The following HTR3B variants were observed in gnomAD, a reference collection of about 807,000 sequenced individuals.
The protein encoded by HTR3B is 5-hydroxytryptamine receptor 3B, also known as 5-hydroxytryptamine (serotonin) receptor 3B, ionotropic.
In HTR3B, 44 loss-of-function variants were observed where a neutral mutation model predicts 42.8. That is an observed-to-expected ratio of 1.03 (90% CI 0.81 to 1.32). HTR3B has a LOEUF of 1.32. Among genes scored for constraint, HTR3B ranks in the 40% most tolerant of loss-of-function variants. The pLI, the probability that HTR3B is intolerant of heterozygous loss-of-function variation, is 0.00. For missense variants in HTR3B, 527 were observed against 536.5 expected (o/e 0.98, Z 0.17); for synonymous variants, 203 against 209.0 (o/e 0.97, Z 0.25).
At position 113,931,852 on chromosome 11, in the gene HTR3B, T is replaced by C. The variant is rs1048150562; in HGVS notation, c.353T>C (p.Ile118Thr). 19 of 1,578,538 alleles carry C rather than the reference T, an allele frequency of 1.2e-5. No homozygotes were observed. The highest frequency in any genetic ancestry group is 1.7e-5 in the Non-Finnish European group (19 of 1,147,656). ...LPLSAIWAPD[I>T]IINEFVDIER... ...CTAAGTGCCATCTGGGCCCCCGATATCATCATCAATGAGTTGTAAGTGTGC... is the reference window on the plus strand; with the variant it reads ...CTAAGTGCCATCTGGGCCCCCGATACCATCATCAATGAGTTGTAAGTGTGC... The change falls in exon 4 of 9, where the codon ATC becomes ACC. Residue 118 changes from isoleucine (I) to threonine (T), a missense_variant. Physicochemically the swap from Ile to Thr is moderately conservative, Grantham distance 89. Coordinates refer to ENST00000260191, the MANE Select transcript of HTR3B (RefSeq NM_006028.5).
intron 6 of HTR3B, among the ~76,000 whole-genome samples, chr11:113,933,353 C>A (rs529154665): frequency 6.6e-6 from 1 of 152,142 alleles, no homozygotes; most frequent in Non-Finnish European, 1.5e-5. Context: ...GCATGCCCTG[C>A]AGCAGGAATC....
At chr11:113,931,897 G>A in intron 4 of HTR3B, 30 bp downstream of exon 4, 1 of 1,256,112 alleles carries the variant, frequency 8.0e-7, no homozygotes, top group Non-Finnish European at 1.2e-6. Context: ...TTTCTGTGGG[G>A]TTTAGACTGC....
chr11:113,928,851 C>T (rs1950002911), intron 2 of HTR3B, among the ~76,000 whole-genome samples: 1 of 152,134 alleles, frequency 6.6e-6, no homozygotes, highest in African/African-American at 2.4e-5. Context: ...AATTTCCTTC[C>T]TTTCTAAGGT....
intron 6 of HTR3B, 24 bp from the exon 7 acceptor site, chr11:113,942,958 A>G (rs1322151288): frequency 6.2e-7 from 1 of 1,610,194 alleles, no homozygotes; most frequent in South Asian, 1.1e-5. Context: ...TCCTCTTTTC[A>G]TCAGACCACT....
intron 6 of HTR3B, among the ~76,000 whole-genome samples, chr11:113,939,676 T>G (rs1338476491): frequency 2.0e-5 from 3 of 152,198 alleles, no homozygotes; most frequent in African/African-American, 7.2e-5. Flanking sequence ...AGGTGTCATC[T>G]CAGCTTGTTT....
At chr11:113,941,878 C>T (rs1453028996) in intron 6 of HTR3B, among the ~76,000 whole-genome samples, 1 of 152,144 alleles carries the variant, frequency 6.6e-6, no homozygotes, top group African/African-American at 2.4e-5. Flanking sequence ...TAACAGATCA[C>T]CCAGTCCCCG....
chr11:113,920,105 C>T (rs1164817860), intron 2 of HTR3B, among the ~76,000 whole-genome samples: 3 of 151,310 alleles, frequency 2.0e-5, no homozygotes, highest in Non-Finnish European at 4.4e-5. Flanking sequence ...CTTGGCTCAC[C>T]ACAACCTCCG....
At chr11:113,908,407 A>G (rs928520222) in intron 1 of HTR3B, among the ~76,000 whole-genome samples, 3 of 152,228 alleles carry the variant, frequency 2.0e-5, no homozygotes, top group African/African-American at 7.2e-5. Context: ...AGGACACTAC[A>G]GAGAGATTTC....
At chr11:113,902,137 T>C (rs1949700877), upstream of HTR3B, among the ~76,000 whole-genome samples, 3 of 152,134 alleles carry the variant, frequency 2.0e-5, no homozygotes, top group Non-Finnish European at 4.4e-5. Context: ...GTACCAAAGT[T>C]CCTCCACCAA....
intron 5 of HTR3B, 48 bp downstream of exon 5, chr11:113,932,506 G>A (rs1323177318): frequency 7.2e-7 from 1 of 1,389,430 alleles, no homozygotes; most frequent in Non-Finnish European, 1.0e-6. Flanking sequence ...GCACATAGGT[G>A]AAATGATATT....
chr11:113,926,484 TTTCCTTTCC>T (rs1565561738), intron 2 of HTR3B, among the ~76,000 whole-genome samples: 30 of 137,212 alleles, frequency 2.2e-4, no homozygotes, highest in Admixed American at 1.2e-3. Context: ...TTTCCTTTCC[TTTCCTTTCC>T]TTTCCTTTCC....
At chr11:113,910,026 C>G (rs1949772583) in intron 2 of HTR3B, among the ~76,000 whole-genome samples, 1 of 145,734 alleles carries the variant, frequency 6.9e-6, no homozygotes, top group South Asian at 2.2e-4. Flanking sequence ...GGTCATGGAT[C>G]ACAGTACATA....
intron 2 of HTR3B, among the ~76,000 whole-genome samples, chr11:113,916,387 T>C (rs1949854478): frequency 2.0e-5 from 3 of 152,258 alleles, no homozygotes; most frequent in Admixed American, 2.0e-4. Context: ...TTCTTGACTC[T>C]GTTCTATTCA....
At chr11:113,900,451 C>T (rs1384485005), upstream of HTR3B, among the ~76,000 whole-genome samples, 1 of 152,122 alleles carries the variant, frequency 6.6e-6, no homozygotes, top group Non-Finnish European at 1.5e-5. Flanking sequence ...TATTCTCACA[C>T]TGCTATACAG....
chr11:113,926,264 A>C (rs1339214767), intron 2 of HTR3B, among the ~76,000 whole-genome samples: 1 of 152,196 alleles, frequency 6.6e-6, no homozygotes. Context: ...TTCACTCATC[A>C]GTCGATAGAT....
chr11:113,935,509 A>G (rs1420645454), intron 6 of HTR3B, among the ~76,000 whole-genome samples: 1 of 133,032 alleles, frequency 7.5e-6, no homozygotes, highest in Non-Finnish European at 1.7e-5. Context: ...CTGCAGCTTT[A>G]GAAAGACTAA....
chr11:113,938,335 A>T lies in HTR3B; in HGVS notation c.697-4647A>T, dbSNP rs569449353. Among the ~76,000 whole-genome samples, 6 of 152,244 alleles carry T rather than the reference A, an allele frequency of 3.9e-5. No individual in the cohort carries two copies. In the East Asian group the frequency reaches 1.2e-3, roughly 29 times the overall value. Reference sequence around the variant, plus strand: ...CCAAAGTTTAACCCAGCATCATTCCAGTGTCAACTCTTAAGTCCAAAATAT... The same window carrying T: ...CCAAAGTTTAACCCAGCATCATTCCTGTGTCAACTCTTAAGTCCAAAATAT... On this transcript the variant is annotated intron_variant, in intron 6 of 8. Coordinates refer to ENST00000260191, the MANE Select transcript of HTR3B (RefSeq NM_006028.5).
chr11:113,946,186 AG>A lies in HTR3B; in HGVS notation c.*54del. The A allele has an allele frequency of 1.4e-6, 2 of 1,440,988 alleles. No individual in the cohort carries two copies. The highest frequency in any genetic ancestry group is 1.1e-5 in the South Asian group (1 of 87,590). 89.3% of individuals were successfully genotyped at this position (1,440,988 alleles called of 1,614,324 possible). On this transcript the variant is annotated 3_prime_UTR_variant, in exon 9 of 9. Transcript: ENST00000260191. ...TGTGCTGGCACTTAGGAGAGAGAGG[AG>A]GGGGAATAATAGTGGGTTAAAAAGC...
At chr11:113,909,249 C>T (rs199637654) in intron 1 of HTR3B, 46 bp from the exon 2 acceptor site, 51 of 1,516,626 alleles carry the variant, frequency 3.4e-5, no homozygotes, top group Non-Finnish European at 4.4e-5. Context: ...CTAAAGAAAC[C>T]AAGCTCCTCT....
Sources: allele counts gnomAD v4.1 joint callset (sites outside exome capture counted in the v4.1 genomes callset), GRCh38; gene constraint gnomAD v4.1.1; transcripts MANE v1.5; gene names NCBI Gene and HGNC (gene_info 2026-07-23, HGNC 2026-07-21).